Variants in MANBAL observed in about 807,000 individuals in gnomAD.
The protein encoded by MANBAL is protein MANBAL.
MANBAL carries 1 observed loss-of-function variant against 6.4 expected under a neutral mutation model. The observed-to-expected ratio is 0.16, with a 90% CI of 0.06 to 0.74. The LOEUF (loss-of-function observed/expected upper bound fraction) is 0.74, where lower values mean the gene tolerates loss of function less well. Ranked by LOEUF, MANBAL falls within the 30% of genes least tolerant of loss-of-function variation. MANBAL has a pLI of 0.78. For synonymous variants in MANBAL, 47 were observed against 45.8 expected (o/e 1.03, Z -0.10); for missense variants, 100 against 107.8 (o/e 0.93, Z 0.32).
At chr20:37,294,886 C>G (rs1014151107) in intron 1 of MANBAL, among the ~76,000 whole-genome samples, 3 of 152,224 alleles carry the variant, frequency 2.0e-5, no homozygotes, top group South Asian at 2.1e-4. Flanking sequence ...GAATTAATGT[C>G]TTACGTCACC....
chr20:37,304,440 A>G, intron 2 of MANBAL, among the ~76,000 whole-genome samples: 1 of 152,166 alleles, frequency 6.6e-6, no homozygotes, highest in East Asian at 1.9e-4. Context: ...AACAGTTGTT[A>G]TTAGTTTATC....
At chr20:37,293,427 T>G (rs1407822477) in intron 1 of MANBAL, among the ~76,000 whole-genome samples, 1 of 152,180 alleles carries the variant, frequency 6.6e-6, no homozygotes, top group African/African-American at 2.4e-5. Context: ...TATGAGAATC[T>G]AATGCAGCCG....
chr20:37,306,034 A>G (rs1256386886), intron 2 of MANBAL, among the ~76,000 whole-genome samples: 1 of 152,104 alleles, frequency 6.6e-6, no homozygotes, highest in Non-Finnish European at 1.5e-5. Context: ...AAGGGAGCCC[A>G]TGGGAGTGGG....
intron 2 of MANBAL, among the ~76,000 whole-genome samples, chr20:37,309,094 T>A (rs1008815992): frequency 3.3e-5 from 5 of 152,164 alleles, no homozygotes; most frequent in Non-Finnish European, 7.4e-5. Context: ...CTCTTGGAAC[T>A]GGGAATTTCA....
intron 1 of MANBAL, chr20:37,298,940 T>A (rs2069066740): frequency 6.6e-6 from 1 of 152,166 alleles, no homozygotes; most frequent in South Asian, 2.1e-4. Context: ...TCCCACTCTG[T>A]TGCCCAGGCT....
intron 1 of MANBAL, among the ~76,000 whole-genome samples, chr20:37,290,616 G>A (rs2068844925): frequency 6.6e-6 from 1 of 151,826 alleles, no homozygotes; most frequent in African/African-American, 2.4e-5. Context: ...GTGCCACCAC[G>A]CCCGGCTAAT....
intron 2 of MANBAL, among the ~76,000 whole-genome samples, chr20:37,312,267 G>C (rs1443789857): frequency 6.6e-6 from 1 of 152,192 alleles, no homozygotes; most frequent in Non-Finnish European, 1.5e-5. Flanking sequence ...TCACAAACAA[G>C]GGGTTGTAGG....
At chr20:37,302,033 G>A (rs548567327) in intron 2 of MANBAL, among the ~76,000 whole-genome samples, 1 of 152,360 alleles carries the variant, frequency 6.6e-6, no homozygotes, top group African/African-American at 2.4e-5. Flanking sequence ...AGGGTTTTAA[G>A]TGTGAGAATG....
At position 37,316,688 on chromosome 20, in the gene MANBAL, G is replaced by A. The variant is rs974829258; in HGVS notation, c.*273G>A. The A allele has an allele frequency of 1.8e-5, 5 of 279,144 alleles. No individual in the cohort carries two copies. The highest frequency in any genetic ancestry group is 1.0e-4 in the Admixed American group (2 of 19,428). 17.3% of individuals were successfully genotyped at this position (279,144 alleles called of 1,614,324 possible). On this transcript the variant is annotated 3_prime_UTR_variant, in exon 3 of 3. Coordinates refer to ENST00000373606, the MANE Select transcript of MANBAL (RefSeq NM_001003897.2). ...TGTATTAGGTTTGTTCAGAAGCCGGGTCAGCTCACAGAGTCACATTTTCTT... is the reference window on the plus strand; with the variant it reads ...TGTATTAGGTTTGTTCAGAAGCCGGATCAGCTCACAGAGTCACATTTTCTT...
chr20:37,303,919 G>A (rs1375070278), intron 2 of MANBAL, among the ~76,000 whole-genome samples: 6 of 151,462 alleles, frequency 4.0e-5, no homozygotes, highest in Non-Finnish European at 5.9e-5. Flanking sequence ...GTATAGGCGT[G>A]GTGAGCCACT....
At chr20:37,316,151 G>A (rs750038614) in intron 2 of MANBAL, among the ~76,000 whole-genome samples, 157 bp from the exon 3 acceptor site, 5 of 152,224 alleles carry the variant, frequency 3.3e-5, no homozygotes, top group Non-Finnish European at 7.3e-5. Flanking sequence ...GATGCTCCGG[G>A]GCAGTCCCAC....
In MANBAL at chr20:37,316,566, T is replaced by C; in HGVS notation, c.*151T>C. 1 of 580,770 alleles carries C rather than the reference T, an allele frequency of 1.7e-6. No individual in the cohort carries two copies. The highest frequency in any genetic ancestry group is 3.0e-6 in the Non-Finnish European group (1 of 330,276). The allele number at this position is 580,770 out of a possible 1,614,324, so 36.0% of individuals were successfully genotyped here. On this transcript the variant is annotated 3_prime_UTR_variant, in exon 3 of 3. Transcript: ENST00000373606. ...GCAGAGATCTAGACAGTCGTAACAGTCCCCAGGCTCCAGCTGGGCAATCCA... is the reference window on the plus strand; with the variant it reads ...GCAGAGATCTAGACAGTCGTAACAGCCCCCAGGCTCCAGCTGGGCAATCCA...
In MANBAL at chr20:37,316,699, G is replaced by C. The variant is rs1210193946; in HGVS notation, c.*284G>C. On this transcript the variant is annotated 3_prime_UTR_variant, in exon 3 of 3. Transcript: ENST00000373606. ...TGTTCAGAAGCCGGGTCAGCTCACA[G>C]AGTCACATTTTCTTGCTTAGTCATG... The C allele has an allele frequency of 3.6e-6, 1 of 275,450 alleles. No individual in the cohort carries two copies. The highest frequency in any genetic ancestry group is 9.1e-5 in the East Asian group (1 of 10,948). 17.1% of individuals were successfully genotyped at this position (275,450 alleles called of 1,614,324 possible). A position where few individuals can be genotyped will look rare whatever the true frequency, so the allele number is the denominator to read the frequency against.
At chr20:37,307,124 G>C (rs2069276421) in intron 2 of MANBAL, among the ~76,000 whole-genome samples, 1 of 152,066 alleles carries the variant, frequency 6.6e-6, no homozygotes, top group South Asian at 2.1e-4. Context: ...ACCACACCTG[G>C]CTAATTTTTA....
At chr20:37,303,476 T>A (rs1373936823) in intron 2 of MANBAL, among the ~76,000 whole-genome samples, 8 of 152,216 alleles carry the variant, frequency 5.3e-5, no homozygotes. Context: ...TTTATTTGAT[T>A]TTATACTAGT....
At chr20:37,302,974 A>G (rs558747066) in intron 2 of MANBAL, among the ~76,000 whole-genome samples, 3 of 152,190 alleles carry the variant, frequency 2.0e-5, no homozygotes, top group Middle Eastern at 6.8e-3. Flanking sequence ...GTGCAGTGGC[A>G]CAATCACAGC....
At chr20:37,309,350 C>G (rs1380890312) in intron 2 of MANBAL, among the ~76,000 whole-genome samples, 1 of 152,194 alleles carries the variant, frequency 6.6e-6, no homozygotes, top group Non-Finnish European at 1.5e-5. Flanking sequence ...CACCTTGTCT[C>G]ACAGGTGGGA....
chr20:37,301,359 C>T lies in MANBAL; in HGVS notation c.96C>T (p.Phe32=). Residue 32 remains phenylalanine (F), a synonymous_variant, in exon 2 of 3, where the codon TTC becomes TTT. Transcript: ENST00000373606. ...ACGGACTCTTCCTGGGAGCCATCTT[C>T]CAGCTCATCTGTGTGCTGGCCATCA... ...LRYGLFLGAI[F]QLICVLAIIV... is the part of the protein sequence containing the mutation. The T allele has an allele frequency of 1.2e-6, 2 of 1,613,910 alleles. No homozygotes were observed. The highest frequency in any genetic ancestry group is 2.2e-5 in the East Asian group (1 of 44,854).
At chr20:37,290,661 G>A (rs1220062016) in intron 1 of MANBAL, among the ~76,000 whole-genome samples, 1 of 152,008 alleles carries the variant, frequency 6.6e-6, no homozygotes, top group Non-Finnish European at 1.5e-5. Flanking sequence ...GTTTCACCAT[G>A]TTGGCCAGGC....
Sources: allele counts gnomAD v4.1 joint callset (sites outside exome capture counted in the v4.1 genomes callset), GRCh38; gene constraint gnomAD v4.1.1; transcripts MANE v1.5; gene names NCBI Gene and HGNC (gene_info 2026-07-23, HGNC 2026-07-21).